APBA1: variants seen among roughly 807,000 people sequenced by gnomAD.
APBA1 encodes amyloid beta precursor protein binding family A member 1.
Under a neutral mutation model 86.6 loss-of-function variants are expected in APBA1, and 55 were observed. That is an observed-to-expected ratio of 0.64 (90% CI 0.51 to 0.80). The LOEUF is 0.80. Among genes scored for constraint, APBA1 ranks in the 30% least tolerant of loss-of-function variants. APBA1 has a pLI of 0.00. For synonymous variants in APBA1, 511 were observed against 493.9 expected (o/e 1.03, Z -0.46); for missense variants, 1,090 against 1,183.0 (o/e 0.92, Z 1.15).
chr9:69,597,450 C>T (rs1178984609), intron 1 of APBA1, among the ~76,000 whole-genome samples: 3 of 152,086 alleles, frequency 2.0e-5, no homozygotes, highest in Non-Finnish European at 4.4e-5. Flanking sequence ...AATTGTCTCC[C>T]ATTTTGTAGG....
chr9:69,649,852 G>T (rs540986331), intron 1 of APBA1, among the ~76,000 whole-genome samples: 1 of 152,246 alleles, frequency 6.6e-6, no homozygotes, highest in South Asian at 2.1e-4. Flanking sequence ...AAAAGTGGGG[G>T]TAGGGTGGGG....
Position 69,516,048 on chromosome 9 carries a change from G to T in APBA1, c.1163C>A (p.Thr388Asn). 1 of 1,601,878 alleles carries T rather than the reference G, an allele frequency of 6.2e-7. No individual in the cohort carries two copies. ...CGGCCTCTGGTCGTCACAGTCCCTG[G>T]TGGGGCTAATGTCCTGGCGCATGAC... ...IWVMRQDISP[T>N]RDCDDQRPMD... is the part of the protein sequence containing the mutation. Residue 388 changes from threonine to asparagine, a missense_variant, in exon 2 of 13, where the codon ACC becomes AAC. Physicochemically the swap from Thr to Asn is moderately conservative, Grantham distance 65. Transcript: ENST00000265381. This position sits in a 1 kb window ranked among gnomAD's most constrained non-coding sequence, Gnocchi z 7.3.
intron 1 of APBA1, among the ~76,000 whole-genome samples, chr9:69,613,784 G>C (rs1822640422): frequency 1.3e-5 from 2 of 152,094 alleles, no homozygotes; most frequent in South Asian, 2.1e-4. Flanking sequence ...CCCTGCTCAA[G>C]ATATAGTTTT....
chr9:69,435,711 G>A (rs1384169745), intron 11 of APBA1, among the ~76,000 whole-genome samples: 1 of 152,148 alleles, frequency 6.6e-6, no homozygotes, highest in East Asian at 1.9e-4. Context: ...AGATGAGCAG[G>A]TTGTAAAAAT....
intron 1 of APBA1, among the ~76,000 whole-genome samples, chr9:69,589,415 C>T (rs1460794638): frequency 2.6e-5 from 4 of 152,222 alleles, no homozygotes; most frequent in Non-Finnish European, 4.4e-5. Flanking sequence ...TCTTTCTCTG[C>T]TCTTTCCATG....
intron 1 of APBA1, among the ~76,000 whole-genome samples, chr9:69,639,429 A>T (rs1368718359): frequency 7.9e-5 from 12 of 152,214 alleles, no homozygotes; most frequent in Non-Finnish European, 1.0e-4. Context: ...GAAGTAGCTG[A>T]TTCCAGGTCA....
chr9:69,471,693 T>G lies in APBA1; in HGVS notation c.1299A>C (p.Ser433=). 6.2e-7 allele frequency: 1 copy of G among 1,613,324 alleles called. No individual in the cohort carries two copies. The highest frequency in any genetic ancestry group is 8.5e-7 in the Non-Finnish European group (1 of 1,179,622). Residue 433 remains serine, a splice_region_variant and synonymous_variant, in exon 4 of 13, where the codon TCA becomes TCC. Transcript: ENST00000265381. ...DPVEASTNKE[S]RKSLASFPTY... ...TTGGGAATGAAGCCAAGCTTTTTCT[T>G]GACTGTAATAAAGACAAAGAGGTTT...
chr9:69,551,552 C>CA (rs34220920), intron 1 of APBA1, among the ~76,000 whole-genome samples: 27,470 of 131,534 alleles, frequency 0.21, 2,594 homozygotes, highest in Admixed American at 0.25. Flanking sequence ...GACTCCGCCT[C>CA]AAAAAAAAAA....
intron 1 of APBA1, among the ~76,000 whole-genome samples, chr9:69,639,568 T>C (rs1823245107): frequency 6.6e-6 from 1 of 152,114 alleles, no homozygotes. Flanking sequence ...CTGTCCAAAA[T>C]GAAATGGATT....
chr9:69,617,921 G>T (rs1228683498), intron 1 of APBA1, among the ~76,000 whole-genome samples: 2 of 151,806 alleles, frequency 1.3e-5, no homozygotes, highest in African/African-American at 4.8e-5. Context: ...CAGTGCTAAA[G>T]TTCTGGCCTC....
chr9:69,530,526 G>A (rs146980604), intron 1 of APBA1, among the ~76,000 whole-genome samples: 165 of 152,056 alleles, frequency 1.1e-3, no homozygotes, highest in African/African-American at 3.7e-3. Flanking sequence ...GGGTACACAC[G>A]GATATGAAGA....
chr9:69,600,640 A>T (rs1439969722), intron 1 of APBA1, among the ~76,000 whole-genome samples: 2 of 151,854 alleles, frequency 1.3e-5, no homozygotes, highest in African/African-American at 4.8e-5. Context: ...CTCTACTAAA[A>T]ATAGAAAAAT....
rs1836910060 is a variant in APBA1, at chr9:69,559,156, T to C, written c.-69-41877A>G. ...TCTATCTCAGTCTTACAGAAATACATCTTGACCAATTCTTTAGTGAGTATT... is the reference window on the plus strand; with the variant it reads ...TCTATCTCAGTCTTACAGAAATACACCTTGACCAATTCTTTAGTGAGTATT... On this transcript the variant is annotated intron_variant, in intron 1 of 12. Transcript: ENST00000265381. Among the ~76,000 whole-genome samples, 4 of 152,186 alleles carry C rather than the reference T, an allele frequency of 2.6e-5. No individual in the cohort carries two copies. The South Asian group carries it at 6.2e-4, about 24-fold the overall frequency.
chr9:69,517,150 C>T lies in APBA1; in HGVS notation c.61G>A (p.Val21Met), dbSNP rs1251376019. Residue 21 changes from valine (V) to methionine (M), a missense_variant, in exon 2 of 13, where the codon GTG (valine) becomes ATG (methionine). Around this residue, in one of 6 missense-constraint regions of APBA1, gnomAD observed 678 missense variants for 647.1 expected, o/e 1.05. Transcript: ENST00000265381. ...AGGTCGGCCTCCACCGACTCGTTCA[C>T]CTCCCCACCTGCCGCCTCGTCGGTC... Reference protein sequence around the residue: ...EVTDEAAGGEVNESVEADLEH... With the variant: ...EVTDEAAGGEMNESVEADLEH... 32 of 1,563,970 alleles carry T rather than the reference C, an allele frequency of 2.0e-5. No individual in the cohort carries two copies. The highest frequency in any genetic ancestry group is 2.5e-5 in the Non-Finnish European group (29 of 1,156,442).
At chr9:69,602,497 G>A (rs538813898) in intron 1 of APBA1, among the ~76,000 whole-genome samples, 5 of 152,098 alleles carry the variant, frequency 3.3e-5, no homozygotes, top group African/African-American at 1.2e-4. Context: ...CATGAACCTG[G>A]GAGGTGGAGC....
Position 69,467,893 on chromosome 9 carries a change from A to C in APBA1, c.1412T>G (p.Leu471Arg). The C allele has an allele frequency of 1.2e-6, 2 of 1,614,164 alleles. No homozygotes were observed. Among genetic ancestry groups the C allele is most frequent in the Admixed American group, 1.7e-5 (1 of 60,018 alleles). The change falls in exon 5 of 13, where the codon CTG (leucine) becomes CGG (arginine). Residue 471 changes from leucine (L) to arginine (R), a missense_variant. Physicochemically the swap from Leu to Arg is moderately radical, Grantham distance 102 (BLOSUM62 -2). This residue lies in a region of APBA1 where 76 missense variants were observed against 122.2 expected (regional missense o/e 0.62). Coordinates refer to ENST00000265381, the MANE Select transcript of APBA1 (RefSeq NM_001163.4). ...TTTGGAAGGAGTTTTGTCTGAGAGC[A>C]GCTGAGTGGAGCCAAGGTAATTGGC... is the stretch of plus-strand genomic sequence containing the variant. ...FAANYLGSTQ[L>R]LSDKTPSKNV...
intron 4 of APBA1, among the ~76,000 whole-genome samples, chr9:69,468,436 C>A (rs368128752): frequency 2.0e-5 from 3 of 150,728 alleles, no homozygotes; most frequent in Non-Finnish European, 4.4e-5. Context: ...TGCCCCCCCC[C>A]ATTCATATCT....
chr9:69,536,143 T>G (rs922619651), intron 1 of APBA1, among the ~76,000 whole-genome samples: 1 of 152,102 alleles, frequency 6.6e-6, no homozygotes, highest in Non-Finnish European at 1.5e-5. Context: ...ATTCTCTTAT[T>G]CATAATCATT....
rs1189112664 is a variant in APBA1, at chr9:69,516,870, T to C, written c.341A>G (p.Asp114Gly). 1 of 1,596,104 alleles carries C rather than the reference T, an allele frequency of 6.3e-7. No homozygotes were observed. The highest frequency in any genetic ancestry group is 8.5e-7 in the Non-Finnish European group (1 of 1,176,806). ...YDAERAQDPEDESAYAVQYRP... is the reference protein window; with the variant it reads ...YDAERAQDPEGESAYAVQYRP... ...GTACTGCACAGCATAGGCGCTCTCG[T>C]CCTCGGGGTCCTGCGCGCGCTCCGC... Residue 114 changes from aspartate to glycine, a missense_variant, in exon 2 of 13, where the codon GAC (aspartate) becomes GGC (glycine). By Grantham distance (94) the Asp-to-Gly change is moderately conservative (BLOSUM62 -1). This residue lies in a region of APBA1 where 678 missense variants were observed against 647.1 expected (regional missense o/e 1.05). Transcript: ENST00000265381. The surrounding 1 kb of genome is among the most constrained non-coding windows in gnomAD (Gnocchi z 7.3).
Sources: allele counts gnomAD v4.1 joint callset (sites outside exome capture counted in the v4.1 genomes callset), GRCh38; gene constraint gnomAD v4.1.1; regional missense constraint gnomAD v4.1.1; non-coding constraint Gnocchi (gnomAD v3.1); transcripts MANE v1.5; gene names NCBI Gene and HGNC (gene_info 2026-07-23, HGNC 2026-07-21).